The following ARHGEF4 variants were observed in gnomAD, a reference collection of about 807,000 sequenced individuals.
The protein encoded by ARHGEF4 is APC-stimulated guanine nucleotide exchange factor 1.
A neutral mutation model predicts 162.0 loss-of-function variants in ARHGEF4; 119 were observed. The ratio of observed to expected loss-of-function variants is 0.73; its 90% CI spans 0.63 to 0.86. ARHGEF4 has a LOEUF of 0.86. ARHGEF4 is among the 40% of genes least tolerant of loss of function. The pLI, the probability that ARHGEF4 is intolerant of heterozygous loss-of-function variation, is 0.00. For missense variants in ARHGEF4, 2,488 were observed against 2,456.0 expected, an observed-to-expected ratio of 1.01 and a Z score of -0.28; for synonymous variants, 1,014 against 979.9, an observed-to-expected ratio of 1.03 and a Z score of -0.65.
intron 1 of ARHGEF4, among the ~76,000 whole-genome samples, chr2:130,868,250 C>G (rs551500505): frequency 6.6e-6 from 1 of 152,138 alleles, no homozygotes; most frequent in African/African-American, 2.4e-5. Context: ...TTTACTGCAT[C>G]TGGACCTGGG....
intron 4 of ARHGEF4, among the ~76,000 whole-genome samples, chr2:131,024,327 G>A (rs1266807786): frequency 6.6e-6 from 1 of 152,188 alleles, no homozygotes; most frequent in Non-Finnish European, 1.5e-5. Flanking sequence ...CCAGGTTGGA[G>A]TGCAGTGGAG....
rs533609591 is a variant in ARHGEF4 at position 130,850,731 on chromosome 2, G to T, written c.39+13739G>T. On this transcript the variant is annotated intron_variant, in intron 1 of 13. Coordinates refer to ENST00000409359, the MANE Select transcript of ARHGEF4 (RefSeq NM_001367493.1). ...TGCCCTCGTGATGGGGCCTCCCTCG[G>T]TAGACAGGGGACTGAGGTGCATGTA... Among the ~76,000 whole-genome samples, 21 of 152,360 alleles carry T rather than the reference G, an allele frequency of 1.4e-4. 1 individual carries two copies. The highest frequency in any genetic ancestry group is 1.0e-3 in the Admixed American group (16 of 15,306).
intron 1 of ARHGEF4, among the ~76,000 whole-genome samples, chr2:130,871,148 C>T (rs1367869872): frequency 6.6e-6 from 1 of 152,172 alleles, no homozygotes; most frequent in Non-Finnish European, 1.5e-5. Context: ...GGGCACAGGT[C>T]AGCTCTCTCA....
chr2:131,046,285 G>A lies in ARHGEF4; in HGVS notation c.*96G>A, dbSNP rs1464303894. 1.5e-6 allele frequency: 2 copies of A among 1,301,500 alleles called. No homozygotes were observed. Among genetic ancestry groups the A allele is most frequent in the East Asian group, 2.5e-5 (1 of 39,404 alleles). The allele number at this position is 1,301,500 out of a possible 1,614,324, so 80.6% of individuals were successfully genotyped here. ...CACTCGGCCTGGCCTTCCTCTGCCT[G>A]CAAGTGAGCAGGGATGGGCTGGGGA... On this transcript the variant is annotated 3_prime_UTR_variant, in exon 14 of 14. Transcript: ENST00000409359.
intron 4 of ARHGEF4, among the ~76,000 whole-genome samples, chr2:131,024,686 A>AGATGG (rs1336346423): frequency 2.0e-5 from 3 of 152,108 alleles, no homozygotes; most frequent in African/African-American, 7.2e-5. Flanking sequence ...AAAGAAAGAG[A>AGATGG]GATGGGATCC....
At chr2:131,008,736 G>GTA (rs1011871293) in intron 4 of ARHGEF4, among the ~76,000 whole-genome samples, 36 of 151,554 alleles carry the variant, frequency 2.4e-4, no homozygotes, top group African/African-American at 5.3e-4. Context: ...ATATACATGT[G>GTA]TATATATATA....
intron 1 of ARHGEF4, among the ~76,000 whole-genome samples, chr2:130,841,233 T>A (rs1324244288): frequency 6.6e-6 from 1 of 151,982 alleles, no homozygotes; most frequent in Non-Finnish European, 1.5e-5. Context: ...CCTGACTAAT[T>A]TTTTGTATTT....
chr2:130,880,825 G>C (rs537406426), intron 1 of ARHGEF4, among the ~76,000 whole-genome samples: 3 of 151,368 alleles, frequency 2.0e-5, no homozygotes, highest in African/African-American at 7.3e-5. Flanking sequence ...GTGAGCACCC[G>C]GCCAAATTTT....
At chr2:131,008,688 A>T (rs767389157) in intron 4 of ARHGEF4, among the ~76,000 whole-genome samples, 6 of 151,978 alleles carry the variant, frequency 3.9e-5, no homozygotes, top group Non-Finnish European at 5.9e-5. Context: ...CTATTCCTTT[A>T]TGTTATTTTA....
At chr2:131,005,184 C>T (rs1000028610) in intron 4 of ARHGEF4, among the ~76,000 whole-genome samples, 2 of 152,196 alleles carry the variant, frequency 1.3e-5, no homozygotes, top group African/African-American at 2.4e-5. Context: ...GGCTGGAAGC[C>T]ATCCGCAGTC....
chr2:130,915,654 G>GA lies in ARHGEF4; in HGVS notation c.1710dup (p.Ala571SerfsTer32), dbSNP rs1359390600. 1 of 1,550,466 alleles carries GA rather than the reference G, an allele frequency of 6.4e-7. No individual in the cohort carries two copies. Among genetic ancestry groups the GA allele is most frequent in the East Asian group, 2.4e-5 (1 of 40,900 alleles). On this transcript the variant is annotated frameshift_variant, in exon 2 of 14. Coordinates refer to ENST00000409359, the MANE Select transcript of ARHGEF4 (RefSeq NM_001367493.1). LOFTEE classifies it high-confidence loss of function. ...AATAGACACTTCAAAGGCAGCCGAA[G>GA]AAGCCATGGTTCTAGACCCCAACTA...
At chr2:131,045,785 A>T (rs1691202040) in intron 13 of ARHGEF4, 1 of 1,426,118 alleles carries the variant, frequency 7.0e-7, no homozygotes, top group African/African-American at 1.4e-5. Context: ...CATGCCCCTG[A>T]AACATCACAT....
At chr2:131,012,082 G>A (rs953022876) in intron 4 of ARHGEF4, among the ~76,000 whole-genome samples, 5 of 152,190 alleles carry the variant, frequency 3.3e-5, no homozygotes, top group Admixed American at 3.3e-4. Flanking sequence ...GAATGCAGTT[G>A]TCTGCTACTG....
At chr2:130,923,150 G>A (rs1342226666) in intron 2 of ARHGEF4, among the ~76,000 whole-genome samples, 6 of 152,026 alleles carry the variant, frequency 3.9e-5, no homozygotes, top group South Asian at 2.1e-4. Flanking sequence ...GGGTGGTCTC[G>A]AACTCATGAG....
intron 1 of ARHGEF4, among the ~76,000 whole-genome samples, chr2:130,874,235 A>G (rs16856218): frequency 0.026 from 4,012 of 152,288 alleles, 107 homozygotes; most frequent in East Asian, 0.11. Flanking sequence ...TCTCCTTTTC[A>G]GTAGACAAAC....
chr2:130,963,945 G>C (rs111326420), intron 4 of ARHGEF4: 146,023 of 148,552 alleles, frequency 0.98, 71,749 homozygotes, highest in Middle Eastern at 1. Flanking sequence ...ACCCCGGCCC[G>C]GGCTCGCGCG....
chr2:130,851,131 C>T (rs932485325), intron 1 of ARHGEF4, among the ~76,000 whole-genome samples: 3 of 152,258 alleles, frequency 2.0e-5, no homozygotes, highest in African/African-American at 4.8e-5. Context: ...GCGTCCTGAC[C>T]GCTGTGGAGC....
At chr2:130,856,956 C>T (rs1681833244) in intron 1 of ARHGEF4, among the ~76,000 whole-genome samples, 1 of 152,174 alleles carries the variant, frequency 6.6e-6, no homozygotes, top group Non-Finnish European at 1.5e-5. Flanking sequence ...GGTGCAGTGG[C>T]TCACGCCTGT....
chr2:130,867,781 G>A (rs1429309992), intron 1 of ARHGEF4, among the ~76,000 whole-genome samples: 2 of 152,078 alleles, frequency 1.3e-5, no homozygotes, highest in African/African-American at 4.8e-5. Flanking sequence ...TGAGGAACTT[G>A]CCTCAGCATC....
Sources: allele counts gnomAD v4.1 joint callset (sites outside exome capture counted in the v4.1 genomes callset), GRCh38; gene constraint gnomAD v4.1.1; transcripts MANE v1.5; gene names NCBI Gene and HGNC (gene_info 2026-07-23, HGNC 2026-07-21).